The following DLGAP2 variants were observed in gnomAD, a reference collection of about 807,000 sequenced individuals.
The protein encoded by DLGAP2 is disks large-associated protein 2.
A neutral mutation model predicts 100.3 loss-of-function variants in DLGAP2; 26 were observed. The ratio of observed to expected loss-of-function variants is 0.26; its 90% CI spans 0.19 to 0.36. The LOEUF (loss-of-function observed/expected upper bound fraction) is 0.36. DLGAP2 is among the 10% of genes least tolerant of loss of function. The pLI, the probability that DLGAP2 is intolerant of heterozygous loss-of-function variation, is 1.00. For missense variants in DLGAP2, 1,858 were observed against 1,453.2 expected, an observed-to-expected ratio of 1.28 and a Z score of -4.53; for synonymous variants, 886 against 630.1, an observed-to-expected ratio of 1.41 and a Z score of -6.08.
At chr8:1,452,252 CATGTGTTCTGTGGCT>C (rs1280094661) in intron 3 of DLGAP2, among the ~76,000 whole-genome samples, 13 of 152,156 alleles carry the variant, frequency 8.5e-5, no homozygotes, top group Admixed American at 2.6e-4. Flanking sequence ...GTTCTGTGGC[CATGTGTTCTGTGGCT>C]GGGTGTTCTG....
intron 3 of DLGAP2, among the ~76,000 whole-genome samples, chr8:1,463,533 C>A (rs1055362507): frequency 1.3e-5 from 2 of 152,222 alleles, no homozygotes; most frequent in Non-Finnish European, 2.9e-5. Flanking sequence ...GTTCCCAGGA[C>A]GCTCCTGCCC....
intron 1 of DLGAP2, among the ~76,000 whole-genome samples, chr8:843,372 G>A (rs1165296395): frequency 6.6e-6 from 1 of 152,244 alleles, no homozygotes; most frequent in East Asian, 1.9e-4. Context: ...CGGTGTGGCT[G>A]ATCAGCATCA....
intron 3 of DLGAP2, among the ~76,000 whole-genome samples, chr8:1,306,074 C>CAAAAAAAAAAAAAAAAAAAAAA (rs61647224): frequency 1.7e-5 from 2 of 116,448 alleles, no homozygotes; most frequent in Admixed American, 9.1e-5. Context: ...AGAAATTAGG[C>CAAAAAAAAAAAAAAAAAAAAAA]AAAAAAAAAA....
At chr8:772,511 C>T (rs866666931) in intron 1 of DLGAP2, among the ~76,000 whole-genome samples, 5 of 151,846 alleles carry the variant, frequency 3.3e-5, no homozygotes, top group South Asian at 2.1e-4. Flanking sequence ...TTAGTAGAGA[C>T]GGGGTTTCAC....
At chr8:1,592,156 A>T (rs969910122) in intron 6 of DLGAP2, among the ~76,000 whole-genome samples, 11 of 152,120 alleles carry the variant, frequency 7.2e-5, no homozygotes, top group African/African-American at 2.7e-4. Flanking sequence ...GCCCAGGCTT[A>T]CCTAACGGGG....
chr8:1,453,788 C>G (rs1299255470), intron 3 of DLGAP2, among the ~76,000 whole-genome samples: 1 of 152,220 alleles, frequency 6.6e-6, no homozygotes, highest in Admixed American at 6.5e-5. Flanking sequence ...TCAACATACT[C>G]CCAACCCATA....
At chr8:1,335,897 G>A (rs13261796) in intron 3 of DLGAP2, among the ~76,000 whole-genome samples, 21,383 of 151,562 alleles carry the variant, frequency 0.14, 1,726 homozygotes, top group Admixed American at 0.18. Flanking sequence ...GCGTGGTGAC[G>A]CGGGAGGCAT....
chr8:1,006,439 C>T (rs909203290), intron 2 of DLGAP2, among the ~76,000 whole-genome samples: 15 of 138,818 alleles, frequency 1.1e-4, no homozygotes, highest in African/African-American at 4.1e-4. Flanking sequence ...ACGTCGGGGG[C>T]GCCCTGCATC....
chr8:1,332,921 G>C (rs972661996), intron 3 of DLGAP2, among the ~76,000 whole-genome samples: 3 of 152,156 alleles, frequency 2.0e-5, no homozygotes, highest in Non-Finnish European at 2.9e-5. Context: ...ACTTGCTGAT[G>C]TTTCCTCAGA....
chr8:1,028,733 A>G (rs1258007624), intron 2 of DLGAP2, among the ~76,000 whole-genome samples: 2 of 152,346 alleles, frequency 1.3e-5, no homozygotes, highest in South Asian at 2.1e-4. Context: ...ACTGTCAACC[A>G]TGGCGGGGAA....
chr8:993,849 T>G (rs1168939442), intron 2 of DLGAP2, among the ~76,000 whole-genome samples: 1 of 150,212 alleles, frequency 6.7e-6, no homozygotes, highest in Non-Finnish European at 1.5e-5. Context: ...TTGAGGGCCT[T>G]TCTAGGGCCT....
intron 2 of DLGAP2, among the ~76,000 whole-genome samples, chr8:911,000 C>T (rs529270207): frequency 2.0e-5 from 3 of 152,162 alleles, no homozygotes; most frequent in Non-Finnish European, 2.9e-5. Flanking sequence ...TAGTCCCAGA[C>T]GCCTGCCCAT....
chr8:1,407,971 G>C (rs548510448), intron 3 of DLGAP2, among the ~76,000 whole-genome samples: 41 of 152,334 alleles, frequency 2.7e-4, no homozygotes, highest in Non-Finnish European at 4.0e-4. Flanking sequence ...GTTGGGGTGG[G>C]CTGTCCTGCA....
rs1009950467 is a variant in DLGAP2 at position 1,221,758 on chromosome 8, A to G, written c.74-37093A>G. ...AGCGAGTCATAGGTTTGCTCTCTTT[A>G]CATTCTCACATATTTCTCAGAGGTT... On this transcript the variant is annotated intron_variant, in intron 2 of 14. Coordinates refer to ENST00000637795, the MANE Select transcript of DLGAP2 (RefSeq NM_001346810.2). Among the ~76,000 whole-genome samples, 4 of 152,102 alleles carry G rather than the reference A, an allele frequency of 2.6e-5. No individual in the cohort carries two copies. In the East Asian group the frequency reaches 7.7e-4, roughly 29 times the overall value.
intron 1 of DLGAP2, among the ~76,000 whole-genome samples, chr8:761,325 T>G (rs1324185115): frequency 3.3e-5 from 5 of 152,220 alleles, no homozygotes; most frequent in Non-Finnish European, 5.9e-5. Flanking sequence ...CACTGGGGGT[T>G]TGAAGGAAGA....
chr8:947,950 G>C (rs559830327), intron 2 of DLGAP2, among the ~76,000 whole-genome samples: 15 of 125,000 alleles, frequency 1.2e-4, no homozygotes, highest in Admixed American at 5.4e-4. Flanking sequence ...CACCGACCCC[G>C]TGCCAGCCCG....
At chr8:1,606,196 T>C (rs369943406) in intron 6 of DLGAP2, among the ~76,000 whole-genome samples, 80 of 152,312 alleles carry the variant, frequency 5.3e-4, no homozygotes, top group African/African-American at 1.9e-3. Flanking sequence ...ACGGTTCATT[T>C]CAACTTTCAG....
intron 12 of DLGAP2, among the ~76,000 whole-genome samples, chr8:1,681,368 C>T (rs1229863701): frequency 1.3e-5 from 2 of 152,062 alleles, no homozygotes; most frequent in Non-Finnish European, 2.9e-5. Flanking sequence ...CACAGTGGCT[C>T]ACACCTGTAA....
At chr8:998,381 G>A (rs542735467) in intron 2 of DLGAP2, among the ~76,000 whole-genome samples, 16 of 152,146 alleles carry the variant, frequency 1.1e-4, no homozygotes, top group African/African-American at 2.9e-4. Flanking sequence ...GCTCACTGCC[G>A]CCTTGAACTC....
Sources: allele counts gnomAD v4.1 joint callset (sites outside exome capture counted in the v4.1 genomes callset), GRCh38; gene constraint gnomAD v4.1.1; transcripts MANE v1.5; gene names NCBI Gene and HGNC (gene_info 2026-07-23, HGNC 2026-07-21).